Variants in POTEE observed in about 807,000 individuals in gnomAD.
POTEE encodes the protein ANKRD26-like family C member 1A.
Under a neutral mutation model 74.2 loss-of-function variants are expected in POTEE, and 21 were observed. That is an observed-to-expected ratio of 0.28 (90% confidence interval 0.20 to 0.41). The LOEUF is 0.41. Ranked by LOEUF, POTEE falls within the 10% of genes least tolerant of loss-of-function variation. The pLI is 1.00. For synonymous variants in POTEE, 211 were observed against 432.8 expected (o/e 0.49, Z 6.36); for missense variants, 525 against 1,158.6 (o/e 0.45, Z 7.94).
intron 4 of POTEE, 42 bp from the exon 5 acceptor site, chr2:131,223,554 T>C: frequency 1.2e-6 from 2 of 1,611,100 alleles, no homozygotes; most frequent in Non-Finnish European, 1.7e-6. Context: ...TGGCTGTAGC[T>C]AGTGCACTAC....
In POTEE at chr2:131,220,606, C is replaced by G. The variant is rs1700588228; in HGVS notation, c.521+1683C>G. On this transcript the variant is annotated intron_variant, in intron 4 of 17. Coordinates refer to ENST00000683005, the MANE Select transcript of POTEE (RefSeq NM_001083538.3). ...ATGCACATAGGAAAAGATAGCGTTC[C>G]TGGTAGAAGAAGGAATGTAAGTTAG... Among the ~76,000 whole-genome samples, 6 of 151,986 alleles carry G rather than the reference C, an allele frequency of 3.9e-5. No homozygotes were observed. The South Asian group carries it at 1.2e-3, about 31-fold the overall frequency.
chr2:131,263,966 G>C lies in POTEE; in HGVS notation c.2511G>C (p.Gln837His). The C allele has an allele frequency of 6.2e-7, 1 of 1,614,192 alleles. No homozygotes were observed. Among genetic ancestry groups the C allele is most frequent in the Non-Finnish European group, 8.5e-7 (1 of 1,180,044 alleles). The change falls in exon 18 of 18, where the codon CAG (glutamine) becomes CAC (histidine). Residue 837 changes from glutamine to histidine, a missense_variant. Transcript: ENST00000683005. The part of the protein sequence containing the change: ...FNTPAMYVAI[Q>H]AVPSLYTSGR... ...CCCCAGCCATGTACGTGGCCATCCAGGCCGTGCCGTCCCTGTACACCTCTG... is the reference window on the plus strand; with the variant it reads ...CCCCAGCCATGTACGTGGCCATCCACGCCGTGCCGTCCCTGTACACCTCTG...
intron 2 of POTEE, among the ~76,000 whole-genome samples, chr2:131,213,159 C>A (rs1700391447): frequency 1.3e-5 from 2 of 152,096 alleles, no homozygotes; most frequent in South Asian, 4.1e-4. Context: ...TGGGGTTTCA[C>A]CATGTTGGCC....
intron 9 of POTEE, among the ~76,000 whole-genome samples, chr2:131,231,783 A>C (rs956069419): frequency 1.3e-5 from 2 of 152,082 alleles, no homozygotes; most frequent in Non-Finnish European, 1.5e-5. Context: ...ATAAAAGCAG[A>C]AAAACGTTTC....
intron 4 of POTEE, among the ~76,000 whole-genome samples, chr2:131,221,201 A>G (rs1700605210): frequency 6.6e-6 from 1 of 152,124 alleles, no homozygotes; most frequent in Non-Finnish European, 1.5e-5. Flanking sequence ...ATTGATTAAA[A>G]TAGCAGTGTA....
chr2:131,210,273 C>G (rs1186296120), intron 1 of POTEE, among the ~76,000 whole-genome samples: 1 of 81,202 alleles, frequency 1.2e-5, no homozygotes, highest in Non-Finnish European at 2.3e-5. Context: ...TGCAGCAACA[C>G]CTGTGGCTGG....
At position 131,263,978 on chromosome 2, in the gene POTEE, C is replaced by A. The variant is rs1422848897; in HGVS notation, c.2523C>A (p.Ser841=). 1.2e-6 allele frequency: 2 copies of A among 1,614,098 alleles called. No homozygotes were observed. The highest frequency in any genetic ancestry group is 1.3e-5 in the African/African-American group (1 of 74,946). The change falls in exon 18 of 18, where the codon TCC becomes TCA. Residue 841 remains serine, a synonymous_variant. Coordinates refer to ENST00000683005, the MANE Select transcript of POTEE (RefSeq NM_001083538.3). The part of the protein sequence containing the change: ...AMYVAIQAVP[S]LYTSGRTTGI... ...ACGTGGCCATCCAGGCCGTGCCGTC[C>A]CTGTACACCTCTGGCCGTACTACTG...
At chr2:131,262,946 T>C (rs1404980233) in intron 17 of POTEE, among the ~76,000 whole-genome samples, 3 of 151,666 alleles carry the variant, frequency 2.0e-5, no homozygotes, top group Non-Finnish European at 4.4e-5. Context: ...GGTTGATAGG[T>C]TAGATATCAG....
At position 131,230,835 on chromosome 2, in the gene POTEE, G is replaced by T. The variant is rs1573714522; in HGVS notation, c.1056-1G>T. ...TTGGTTTATTACATTTTTATACATA[G>T]AATTTGCCAGTTACTTTCTGACTAC... On this transcript the variant is annotated splice_acceptor_variant, in intron 8 of 17. Transcript: ENST00000683005. LOFTEE classifies it high-confidence loss of function. 1.4e-6 allele frequency: 2 copies of T among 1,410,162 alleles called. No homozygotes were observed. Among genetic ancestry groups the T allele is most frequent in the Non-Finnish European group, 1.9e-6 (2 of 1,033,164 alleles). 87.4% of individuals were successfully genotyped at this position (1,410,162 alleles called of 1,614,324 possible). A position where few individuals can be genotyped will look rare whatever the true frequency, so the allele number is the denominator to read the frequency against.
chr2:131,218,159 G>C, intron 3 of POTEE, 151 bp from the exon 4 acceptor site: 1 of 868,250 alleles, frequency 1.2e-6, no homozygotes, highest in Non-Finnish European at 1.7e-6. Flanking sequence ...TTCTGGGGTT[G>C]GCCCTTTCTG....
intron 2 of POTEE, among the ~76,000 whole-genome samples, chr2:131,214,460 C>T (rs1472848653): frequency 2.0e-5 from 3 of 152,248 alleles, no homozygotes; most frequent in Non-Finnish European, 2.9e-5. Flanking sequence ...TTAATCATGT[C>T]GTAGATAGTC....
intron 6 of POTEE, among the ~76,000 whole-genome samples, chr2:131,225,593 G>A (rs1700759601): frequency 6.8e-6 from 1 of 146,586 alleles, no homozygotes; most frequent in Non-Finnish European, 1.5e-5. Flanking sequence ...TTGAGATGGG[G>A]TCTCACTCTG....
rs773515425 is a variant in POTEE at position 131,218,560 on chromosome 2, C to T, written c.158C>T (p.Ala53Val). 1 of 1,612,174 alleles carries T rather than the reference C, an allele frequency of 6.2e-7. No individual in the cohort carries two copies. The highest frequency in any genetic ancestry group is 1.4e-5 in the African/African-American group (1 of 74,028). ...ACTTCTGGAGACCACGACGACTCTG[C>T]TATGAAGACACTCAGGAGCAAGATG... ...VGTSGDHDDSAMKTLRSKMGK... is the reference protein window; with the variant it reads ...VGTSGDHDDSVMKTLRSKMGK... Residue 53 changes from alanine to valine, a missense_variant, in exon 4 of 18, where the codon GCT becomes GTT. Ala to Val is a moderately conservative substitution (Grantham distance 64). Transcript: ENST00000683005.
Position 131,263,596 on chromosome 2 carries a change from C to G in POTEE, c.2141C>G (p.Ser714Cys), listed in dbSNP as rs1360535287. The stretch of plus-strand genomic sequence containing the variant: ...GCCGTGCTCGTCATTGACAACGGCT[C>G]TGGCATGTGCAAGGCCGGCTTTGCG... ...DTAVLVIDNG[S>C]GMCKAGFAGD... Residue 714 changes from serine to cysteine, a missense_variant, in exon 18 of 18, where the codon TCT becomes TGT. Coordinates refer to ENST00000683005, the MANE Select transcript of POTEE (RefSeq NM_001083538.3). The G allele has an allele frequency of 6.2e-7, 1 of 1,601,018 alleles. No individual in the cohort carries two copies. The highest frequency in any genetic ancestry group is 8.5e-7 in the Non-Finnish European group (1 of 1,174,498).
At chr2:131,219,623 G>A (rs1484093944) in intron 4 of POTEE, among the ~76,000 whole-genome samples, 9 of 152,096 alleles carry the variant, frequency 5.9e-5, no homozygotes. Flanking sequence ...TGTAGTCCCA[G>A]CTACTCAGGA....
At chr2:131,231,803 A>G (rs1700969879) in intron 9 of POTEE, among the ~76,000 whole-genome samples, 1 of 152,170 alleles carries the variant, frequency 6.6e-6, no homozygotes, top group South Asian at 2.1e-4. Flanking sequence ...CACACTAACA[A>G]AAACGCTAGT....
intron 10 of POTEE, among the ~76,000 whole-genome samples, chr2:131,237,678 G>T (rs1701179014): frequency 6.6e-6 from 1 of 151,854 alleles, no homozygotes; most frequent in Non-Finnish European, 1.5e-5. Context: ...TTTCTGTTTG[G>T]TGTTGATTTC....
Position 131,218,727 on chromosome 2 carries a change from T to G in POTEE, c.325T>G (p.Cys109Gly). Reference sequence around the variant, plus strand: ...GTGGTGCTGCCACTGCTTCCCCTGCTGCAGGGGGAGCGGCAAGAGCAAGGT... The same window carrying G: ...GTGGTGCTGCCACTGCTTCCCCTGCGGCAGGGGGAGCGGCAAGAGCAAGGT... ...GKWCCHCFPC[C>G]RGSGKSKVGA... Residue 109 changes from cysteine to glycine, a missense_variant, in exon 4 of 18, where the codon TGC becomes GGC. Transcript: ENST00000683005. 6.3e-7 allele frequency: 1 copy of G among 1,577,682 alleles called. No homozygotes were observed. The highest frequency in any genetic ancestry group is 8.7e-7 in the Non-Finnish European group (1 of 1,155,562).
chr2:131,212,607 C>T (rs1700382299), intron 2 of POTEE, among the ~76,000 whole-genome samples: 1 of 121,912 alleles, frequency 8.2e-6, no homozygotes, highest in Non-Finnish European at 1.7e-5. Flanking sequence ...TCTTGTTGCC[C>T]AGGCTGGAGT....
Sources: gnomAD v4.1 joint callset for allele counts (sites outside exome capture counted in the v4.1 genomes callset) on GRCh38, gnomAD v4.1.1 for gene constraint, MANE v1.5 for transcripts, NCBI Gene and HGNC (gene_info 2026-07-23, HGNC 2026-07-21) for gene names.